ALOX5: variants seen among roughly 807,000 people sequenced by gnomAD.
ALOX5 encodes arachidonate 5-lipoxygenase, also known as polyunsaturated fatty acid 5-lipoxygenase.
A neutral mutation model predicts 87.9 loss-of-function variants in ALOX5; 64 were observed. The observed-to-expected ratio is 0.73, with a 90% confidence interval of 0.60 to 0.90. The LOEUF (loss-of-function observed/expected upper bound fraction) is 0.90, where lower values mean the gene tolerates loss of function less well. Among genes scored for constraint, ALOX5 ranks in the 40% least tolerant of loss-of-function variants. The pLI is 0.00. For synonymous variants in ALOX5, 388 were observed against 355.1 expected (o/e 1.09, Z -1.04); for missense variants, 822 against 907.5 (o/e 0.91, Z 1.21).
chr10:45,440,548 C>A lies in ALOX5; in HGVS notation c.1100C>A (p.Thr367Asn). 1 of 1,614,222 alleles carries A rather than the reference C, an allele frequency of 6.2e-7. No individual in the cohort carries two copies. Among genetic ancestry groups the A allele is most frequent in the East Asian group, 2.2e-5 (1 of 44,888 alleles). Residue 367 changes from threonine (T) to asparagine (N), a missense_variant, in exon 8 of 14, where the codon ACC (threonine) becomes AAC (asparagine). By Grantham distance (65) the Thr-to-Asn change is moderately conservative. Transcript: ENST00000374391. The part of the protein sequence containing the change: ...SSDFHVHQTI[T>N]HLLRTHLVSE... ...GACTTCCACGTCCACCAGACCATCA[C>A]CCACCTTCTGCGAACACATCTGGTG...
chr10:45,441,310 C>T, intron 8 of ALOX5, 34 bp from the exon 9 acceptor site: 1 of 1,597,424 alleles, frequency 6.3e-7, no homozygotes, highest in Non-Finnish European at 8.6e-7. Flanking sequence ...CCTGACTGGG[C>T]CCCCTCTGAG....
At chr10:45,404,295 C>T (rs1840801420) in intron 3 of ALOX5, among the ~76,000 whole-genome samples, 1 of 152,180 alleles carries the variant, frequency 6.6e-6, no homozygotes, top group Non-Finnish European at 1.5e-5. Context: ...CTCAGGCTTC[C>T]AGATCAGAGT....
At chr10:45,408,091 C>G (rs1315226094) in intron 3 of ALOX5, among the ~76,000 whole-genome samples, 1 of 152,124 alleles carries the variant, frequency 6.6e-6, no homozygotes, top group Admixed American at 6.5e-5. Flanking sequence ...CCATATATTA[C>G]TCTCTCTCCT....
intron 3 of ALOX5, among the ~76,000 whole-genome samples, chr10:45,401,494 T>C (rs1279558562): frequency 6.6e-6 from 1 of 152,246 alleles, no homozygotes; most frequent in Non-Finnish European, 1.5e-5. Flanking sequence ...CTTTTTAAAA[T>C]TTGGGATTGT....
chr10:45,445,639 A>ATAAT lies in ALOX5; in HGVS notation c.1979_1980insATTA (p.Tyr660Ter). The ATAAT allele has an allele frequency of 6.2e-7, 1 of 1,614,084 alleles. No homozygotes were observed. The highest frequency in any genetic ancestry group is 8.5e-7 in the Non-Finnish European group (1 of 1,180,002). ...AGCGCAACAAGAAGAAGCAGCTGCC[A>ATAAT]TATTACTACTTGTCCCCAGACCGGA... On this transcript the variant is annotated stop_gained and frameshift_variant, in exon 14 of 14. Coordinates refer to ENST00000374391, the MANE Select transcript of ALOX5 (RefSeq NM_000698.5). LOFTEE classifies it high-confidence loss of function.
chr10:45,382,494 CGA>C lies in ALOX5; in HGVS notation c.163_164del (p.Asp55ArgfsTer24). On this transcript the variant is annotated frameshift_variant, in exon 2 of 14. Coordinates refer to ENST00000374391, the MANE Select transcript of ALOX5 (RefSeq NM_000698.5). LOFTEE classifies it high-confidence loss of function. ...DFERGAVDSY[D>X]VTVDEELGEI... ...GTTCTCCTTCCCAGGTGGATTCATA[CGA>C]CGTGACTGTGGACGAGGAACTGGGC... 6.2e-7 allele frequency: 1 copy of C among 1,614,194 alleles called. No individual in the cohort carries two copies. Among genetic ancestry groups the C allele is most frequent in the Non-Finnish European group, 8.5e-7 (1 of 1,180,050 alleles).
At chr10:45,423,553 G>T (rs1322134669) in intron 4 of ALOX5, among the ~76,000 whole-genome samples, 2 of 152,166 alleles carry the variant, frequency 1.3e-5, no homozygotes, top group East Asian at 3.9e-4. Context: ...CTGGCCTTGG[G>T]TTTCTATTTT....
chr10:45,420,907 G>A (rs183494997), intron 4 of ALOX5, among the ~76,000 whole-genome samples: 23 of 152,356 alleles, frequency 1.5e-4, no homozygotes, highest in African/African-American at 3.6e-4. Flanking sequence ...AATGCGGCCC[G>A]TCCTGGGAGA....
chr10:45,415,026 A>G (rs1264578788), intron 4 of ALOX5, among the ~76,000 whole-genome samples: 2 of 152,218 alleles, frequency 1.3e-5, no homozygotes, highest in African/African-American at 2.4e-5. Context: ...AGACAGTGTG[A>G]CGATTCCTCA....
chr10:45,382,155 G>T (rs971079694), intron 1 of ALOX5, among the ~76,000 whole-genome samples: 1 of 152,206 alleles, frequency 6.6e-6, no homozygotes, highest in South Asian at 2.1e-4. Context: ...AGGTAACTGG[G>T]CAGGGAAGTG....
intron 13 of ALOX5, among the ~76,000 whole-genome samples, chr10:45,445,217 C>T (rs1842398551): frequency 6.6e-6 from 1 of 152,234 alleles, no homozygotes; most frequent in Non-Finnish European, 1.5e-5. Flanking sequence ...ACACCAGCAG[C>T]CCCCAGCTTC....
intron 4 of ALOX5, among the ~76,000 whole-genome samples, chr10:45,421,284 TA>T (rs1841496887): frequency 6.6e-6 from 1 of 152,232 alleles, no homozygotes. Flanking sequence ...GTTTTCAGAG[TA>T]AACCTCCTGT....
chr10:45,391,435 G>A (rs1385239123), intron 2 of ALOX5, among the ~76,000 whole-genome samples: 2 of 152,156 alleles, frequency 1.3e-5, no homozygotes, highest in Non-Finnish European at 2.9e-5. Flanking sequence ...CGTGATCTCG[G>A]CTCGCTACAA....
chr10:45,418,608 T>C (rs1050418343), intron 4 of ALOX5, among the ~76,000 whole-genome samples: 1 of 152,112 alleles, frequency 6.6e-6, no homozygotes, highest in African/African-American at 2.4e-5. Context: ...CAGGAAGGCT[T>C]TGCAGCCGGG....
At chr10:45,433,101 A>G (rs953261250) in intron 7 of ALOX5, among the ~76,000 whole-genome samples, 1 of 152,272 alleles carries the variant, frequency 6.6e-6, no homozygotes, top group Non-Finnish European at 1.5e-5. Context: ...AAAGTTAACA[A>G]TGAGATATCA....
At chr10:45,436,930 T>C (rs1842077413) in intron 7 of ALOX5, among the ~76,000 whole-genome samples, 1 of 152,246 alleles carries the variant, frequency 6.6e-6, no homozygotes, top group Non-Finnish European at 1.5e-5. Flanking sequence ...GTAGAGCTCT[T>C]TCACCTCCTT....
intron 2 of ALOX5, among the ~76,000 whole-genome samples, chr10:45,387,748 A>T (rs919486608): frequency 6.6e-6 from 1 of 152,184 alleles, no homozygotes; most frequent in Admixed American, 6.5e-5. Flanking sequence ...GAGGAACTGG[A>T]TTTGGCTTTT....
At chr10:45,388,751 G>A (rs1030976311) in intron 2 of ALOX5, among the ~76,000 whole-genome samples, 21 of 152,350 alleles carry the variant, frequency 1.4e-4, no homozygotes, top group Non-Finnish European at 2.1e-4. Context: ...GAAAAACAGA[G>A]CAGAAAAGCT....
At chr10:45,432,869 A>G (rs1206869049) in intron 7 of ALOX5, among the ~76,000 whole-genome samples, 1 of 152,258 alleles carries the variant, frequency 6.6e-6, no homozygotes, top group Admixed American at 6.5e-5. Context: ...GCCAAAAAGC[A>G]AAACAGAGAT....
Sources: allele counts gnomAD v4.1 joint callset (sites outside exome capture counted in the v4.1 genomes callset), GRCh38; gene constraint gnomAD v4.1.1; transcripts MANE v1.5; gene names NCBI Gene and HGNC (gene_info 2026-07-23, HGNC 2026-07-21).